LAMB1: variants seen among roughly 807,000 people sequenced by gnomAD.
LAMB1 encodes the protein laminin subunit beta 1, also known as laminin subunit beta-1.
LAMB1 carries 121 observed loss-of-function variants against 222.3 expected under a neutral mutation model. The observed-to-expected ratio is 0.54, with a 90% CI of 0.47 to 0.63. The LOEUF (loss-of-function observed/expected upper bound fraction) is 0.63, where lower values mean the gene tolerates loss of function less well. LAMB1 is among the 30% of genes least tolerant of loss of function. The pLI, the probability that LAMB1 is intolerant of heterozygous loss-of-function variation, is 0.00. For missense variants in LAMB1, 2,172 were observed against 2,240.8 expected, an observed-to-expected ratio of 0.97 and a Z score of 0.62; for synonymous variants, 794 against 807.2, an observed-to-expected ratio of 0.98 and a Z score of 0.28.
intron 29 of LAMB1, 87 bp from the exon 30 acceptor site, chr7:107,929,706 C>A: frequency 9.5e-7 from 1 of 1,050,676 alleles, no homozygotes; most frequent in South Asian, 1.4e-5. Context: ...CTACTATGGA[C>A]TAGCATGGTG....
intron 7 of LAMB1, among the ~76,000 whole-genome samples, chr7:107,984,681 G>A (rs1290065999): frequency 6.6e-6 from 1 of 152,028 alleles, no homozygotes; most frequent in East Asian, 1.9e-4. Flanking sequence ...TTATAACTAG[G>A]GTTGCCAGAT....
rs2032703586 is a variant in LAMB1 at position 107,931,260 on chromosome 7, CACTT to C, written c.4537+92_4537+95del. The C allele has an allele frequency of 3.9e-6, 4 of 1,025,762 alleles. No individual in the cohort carries two copies. The South Asian group carries it at 4.4e-5, about 11-fold the overall frequency. The allele number at this position is 1,025,762 out of a possible 1,614,324, so 63.5% of individuals were successfully genotyped here. A position where few individuals can be genotyped will look rare whatever the true frequency, so the allele number is the denominator to read the frequency against. On this transcript the variant is annotated intron_variant, in intron 29 of 33. Coordinates refer to ENST00000222399, the MANE Select transcript of LAMB1 (RefSeq NM_002291.3). ...GGACGTTTTTCTTATTTGGAAATGTCACTTAGTACCCTGACAGAAATGGATTTTA... is the reference window on the plus strand; with the variant it reads ...GGACGTTTTTCTTATTTGGAAATGTCAGTACCCTGACAGAAATGGATTTTA...
chr7:107,961,191 C>CAA lies in LAMB1; in HGVS notation c.2109+13_2109+14dup. 1 of 1,613,862 alleles carries CAA rather than the reference C, an allele frequency of 6.2e-7. No individual in the cohort carries two copies. ...CAGGCTTTCCTGCATATGCCAGAAG[C>CAA]AATCTCGCACTTACAGAATCGATCA... On this transcript the variant is annotated intron_variant, in intron 17 of 33. Transcript: ENST00000222399.
rs184143915 is a variant in LAMB1 at position 107,985,916 on chromosome 7, C to A, written c.676+106G>T. ...AGGTTGCAATGAGCAGAGATCGCACCATTGCACTCCAGCCTGGGCAACAAG... is the reference window on the plus strand; with the variant it reads ...AGGTTGCAATGAGCAGAGATCGCACAATTGCACTCCAGCCTGGGCAACAAG... On this transcript the variant is annotated intron_variant, in intron 7 of 33. Coordinates refer to ENST00000222399, the MANE Select transcript of LAMB1 (RefSeq NM_002291.3). 2,007 of 828,204 alleles carry A rather than the reference C, an allele frequency of 2.4e-3. 26 individuals are homozygous for A. The highest frequency in any genetic ancestry group is 5.7e-4 in the Non-Finnish European group (291 of 506,944). The allele number at this position is 828,204 out of a possible 1,614,324, so 51.3% of individuals were successfully genotyped here.
At position 108,003,019 on chromosome 7, in the gene LAMB1, A is replaced by G. The variant is rs1563014757; in HGVS notation, c.-86-48T>C. ...AAAAAAGGCAAATGTTCAAAGAGAG[A>G]AGAGGCGCCCTTCCATTTCCTGTCG... On this transcript the variant is annotated intron_variant, in intron 1 of 33. Transcript: ENST00000222399. The G allele has an allele frequency of 4.7e-6, 7 of 1,481,644 alleles. No homozygotes were observed. In the East Asian group the frequency reaches 1.8e-4, roughly 37 times the overall value. The allele number at this position is 1,481,644 out of a possible 1,614,324, so 91.8% of individuals were successfully genotyped here. A position where few individuals can be genotyped will look rare whatever the true frequency, so the allele number is the denominator to read the frequency against.
chr7:108,002,006 C>G, intron 2 of LAMB1: 1 of 1,442,402 alleles, frequency 6.9e-7, no homozygotes, highest in Non-Finnish European at 9.1e-7. Flanking sequence ...CACCGACGCT[C>G]GCGCCCACCC....
At chr7:107,948,559 G>C (rs1307066715) in intron 24 of LAMB1, among the ~76,000 whole-genome samples, 2 of 152,104 alleles carry the variant, frequency 1.3e-5, no homozygotes, top group East Asian at 3.9e-4. Flanking sequence ...TTTCTTGCTG[G>C]TGTGAGCTGA....
Position 107,955,639 on chromosome 7 carries a change from G to A in LAMB1, c.2691-9C>T, listed in dbSNP as rs751631641. The A allele has an allele frequency of 1.0e-4, 165 of 1,609,180 alleles. No individual in the cohort carries two copies. The Admixed American group carries it at 1.4e-3, about 14-fold the overall frequency. On this transcript the variant is annotated splice_polypyrimidine_tract_variant and intron_variant, in intron 20 of 33. Transcript: ENST00000222399. Reference sequence around the variant, plus strand: ...AGTAACCAGCCAAGCACCTGCATCAGTCACAGAAGAGAACAGGCCATGACC... The same window carrying A: ...AGTAACCAGCCAAGCACCTGCATCAATCACAGAAGAGAACAGGCCATGACC...
chr7:107,966,759 C>T (rs964540675), intron 13 of LAMB1, among the ~76,000 whole-genome samples: 12 of 152,176 alleles, frequency 7.9e-5, no homozygotes, highest in African/African-American at 2.4e-4. Flanking sequence ...CATTAGAGAA[C>T]GAGCAAATGA....
intron 7 of LAMB1, among the ~76,000 whole-genome samples, chr7:107,984,544 G>A (rs2034037475): frequency 6.6e-6 from 1 of 152,168 alleles, no homozygotes; most frequent in African/African-American, 2.4e-5. Flanking sequence ...CTCCACGCCT[G>A]GCCCATGTCT....
rs1277125903 is a variant in LAMB1 at position 107,961,344 on chromosome 7, AAAAG to A, written c.1986-19_1986-16del. ...GGACGACATATCTGCCCCCAAACAA[AAAAG>A]AAAGACAACAACGAAAGTCAACCTT... On this transcript the variant is annotated splice_polypyrimidine_tract_variant and intron_variant, in intron 16 of 33. Transcript: ENST00000222399. 4 of 1,611,210 alleles carry A rather than the reference AAAAG, an allele frequency of 2.5e-6. No homozygotes were observed. In the African/African-American group the frequency reaches 5.4e-5, roughly 22 times the overall value.
In LAMB1 at chr7:107,980,796, G is replaced by A; in HGVS notation, c.692C>T (p.Thr231Ile). ...SPRIQNLLKI[T>I]NLRIKFVKLH... ...TTTCACAAACTTGATTCTCAAGTTGGTAATTTTTAATAAATCTAGGAAGGT... is the reference window on the plus strand; with the variant it reads ...TTTCACAAACTTGATTCTCAAGTTGATAATTTTTAATAAATCTAGGAAGGT... Residue 231 changes from threonine to isoleucine, a missense_variant, in exon 8 of 34, where the codon ACC becomes ATC. Thr to Ile is a moderately conservative substitution (Grantham distance 89). Coordinates refer to ENST00000222399, the MANE Select transcript of LAMB1 (RefSeq NM_002291.3). 1 of 1,605,476 alleles carries A rather than the reference G, an allele frequency of 6.2e-7. No individual in the cohort carries two copies. The highest frequency in any genetic ancestry group is 8.5e-7 in the Non-Finnish European group (1 of 1,172,720).
chr7:107,974,266 T>C (rs1159325665), intron 12 of LAMB1, among the ~76,000 whole-genome samples: 2 of 152,100 alleles, frequency 1.3e-5, no homozygotes, highest in Non-Finnish European at 2.9e-5. Context: ...ATTATTACAG[T>C]GAACTTTTTG....
Position 107,975,310 on chromosome 7 carries a change from A to AT in LAMB1, c.1292dup (p.Asn431LysfsTer8). ...AAACATCACAATGTTCTCCTTCCAC[A>AT]TTTAATTTACACCGACACTGGCCAG... is the stretch of plus-strand genomic sequence containing the variant. On this transcript the variant is annotated frameshift_variant, in exon 11 of 34. Transcript: ENST00000222399. LOFTEE classifies it high-confidence loss of function. 6.2e-7 allele frequency: 1 copy of AT among 1,614,082 alleles called. No individual in the cohort carries two copies. Among genetic ancestry groups the AT allele is most frequent in the East Asian group, 2.2e-5 (1 of 44,874 alleles).
intron 21 of LAMB1, among the ~76,000 whole-genome samples, chr7:107,954,423 G>A (rs1438727601): frequency 4.0e-5 from 6 of 149,486 alleles, no homozygotes; most frequent in Non-Finnish European, 5.9e-5. Context: ...TCCTGCCTCA[G>A]CCTCCCAAAG....
At position 107,975,333 on chromosome 7, in the gene LAMB1, C is replaced by T. The variant is rs1240466729; in HGVS notation, c.1270G>A (p.Gly424Ser). ...YTDFSTGLIAGQCRCKLNVEG... is the reference protein window; with the variant it reads ...YTDFSTGLIASQCRCKLNVEG... ...ACATTTAATTTACACCGACACTGGC[C>T]AGCAATGAGACCAGTAGAAAAATCA... The change falls in exon 11 of 34, where the codon GGC (glycine) becomes AGC (serine). Residue 424 changes from glycine (G) to serine (S), a missense_variant. Transcript: ENST00000222399. The T allele has an allele frequency of 6.2e-7, 1 of 1,613,888 alleles. No individual in the cohort carries two copies. The highest frequency in any genetic ancestry group is 1.7e-5 in the Admixed American group (1 of 59,998).
chr7:107,993,493 G>A (rs1286121665), intron 5 of LAMB1, among the ~76,000 whole-genome samples: 2 of 152,206 alleles, frequency 1.3e-5, no homozygotes, highest in East Asian at 1.9e-4. Flanking sequence ...TACCTTCTGC[G>A]CCTACACAAG....
chr7:107,929,941 TG>T (rs2032665207), intron 29 of LAMB1: 1 of 357,072 alleles, frequency 2.8e-6, no homozygotes. Context: ...CAATTCCAGA[TG>T]GGGAGACAGG....
chr7:107,929,282 A>C (rs893464423), intron 30 of LAMB1, 77 bp from the exon 31 acceptor site: 1 of 1,562,154 alleles, frequency 6.4e-7, no homozygotes, highest in African/African-American at 1.4e-5. Context: ...TCTTTAAAGA[A>C]TAGCCTTCCT....
Sources: gnomAD v4.1 joint callset for allele counts (sites outside exome capture counted in the v4.1 genomes callset) on GRCh38, gnomAD v4.1.1 for gene constraint, MANE v1.5 for transcripts, NCBI Gene and HGNC (gene_info 2026-07-23, HGNC 2026-07-21) for gene names.